KIF13A: variants seen among roughly 807,000 people sequenced by gnomAD.
The protein encoded by KIF13A is kinesin-like protein KIF13A.
A neutral mutation model predicts 212.2 loss-of-function variants in KIF13A; 79 were observed. The ratio of observed to expected loss-of-function variants is 0.37; its 90% CI spans 0.31 to 0.45. The LOEUF (loss-of-function observed/expected upper bound fraction) is 0.45. KIF13A is among the 20% of genes least tolerant of loss of function. KIF13A has a pLI of 1.00. For synonymous variants in KIF13A, 789 were observed against 808.6 expected, an observed-to-expected ratio of 0.98 and a Z score of 0.41; for missense variants, 1,901 against 2,209.0, an observed-to-expected ratio of 0.86 and a Z score of 2.79.
intron 2 of KIF13A, among the ~76,000 whole-genome samples, chr6:17,974,859 A>G (rs970749386): frequency 6.6e-6 from 1 of 152,232 alleles, no homozygotes; most frequent in African/African-American, 2.4e-5. Context: ...TAAAAGTTAA[A>G]TTCCTTGATC....
intron 2 of KIF13A, among the ~76,000 whole-genome samples, chr6:17,954,955 A>T (rs1472403005): frequency 6.6e-6 from 1 of 152,156 alleles, no homozygotes; most frequent in African/African-American, 2.4e-5. Context: ...CTGGCATTAC[A>T]GGTGTGTGCC....
At chr6:17,923,045 G>A (rs1775217847) in intron 2 of KIF13A, among the ~76,000 whole-genome samples, 1 of 152,068 alleles carries the variant, frequency 6.6e-6, no homozygotes. Flanking sequence ...GCTGAGGCAG[G>A]TGGATCACTT....
rs561393375 is a variant in KIF13A at position 17,811,276 on chromosome 6, C to A, written c.2001-2346G>T. Among the ~76,000 whole-genome samples the A allele has an allele frequency of 6.6e-6, 1 of 152,294 alleles. No homozygotes were observed. The highest frequency in any genetic ancestry group is 1.5e-5 in the Non-Finnish European group (1 of 68,030). On this transcript the variant is annotated intron_variant, in intron 17 of 38. Transcript: ENST00000259711. This position sits in a 1 kb window ranked among gnomAD's most constrained non-coding sequence, Gnocchi z 6.0. ...CGATTACATGCTTTTCACTTCAATA[C>A]ATTCACACAATCAATGCATACAATA...
At position 17,768,319 on chromosome 6, in the gene KIF13A, G is replaced by T. The variant is rs1217704985; in HGVS notation, c.4581+2795C>A. ...TTCTCTATAGCTACAGTCTTCATCT[G>T]AGTTTTGCAAATTTAACTTATGCAG... On this transcript the variant is annotated intron_variant, in intron 38 of 38. Transcript: ENST00000259711. This position sits in a 1 kb window ranked among gnomAD's most constrained non-coding sequence, Gnocchi z 5.4. Among the ~76,000 whole-genome samples, 5 of 152,218 alleles carry T rather than the reference G, an allele frequency of 3.3e-5. No homozygotes were observed. The highest frequency in any genetic ancestry group is 1.2e-4 in the African/African-American group (5 of 41,462).
chr6:17,857,525 G>C (rs11969781), intron 4 of KIF13A, among the ~76,000 whole-genome samples: 5,351 of 152,222 alleles, frequency 0.035, 323 homozygotes, highest in African/African-American at 0.12. Context: ...CAGTCATGCG[G>C]AACTGTGAGT....
At position 17,987,430 on chromosome 6, in the gene KIF13A, C is replaced by G. The variant is rs367718683; in HGVS notation, c.34G>C (p.Val12Leu). 7.8e-5 allele frequency: 106 copies of G among 1,352,820 alleles called. No homozygotes were observed. The highest frequency in any genetic ancestry group is 9.6e-5 in the Non-Finnish European group (98 of 1,022,304). 83.8% of individuals were successfully genotyped at this position (1,352,820 alleles called of 1,614,324 possible). ...SDTKVKVAVRVRPMNRRELEL... is the reference protein window; with the variant it reads ...SDTKVKVAVRLRPMNRRELEL... ...TCACCTCGTCGGTTCATGGGCCGGACCCGGACGGCAACTTTTACCTTGGTA... is the reference window on the plus strand; with the variant it reads ...TCACCTCGTCGGTTCATGGGCCGGAGCCGGACGGCAACTTTTACCTTGGTA... Residue 12 changes from valine to leucine, a missense_variant, in exon 1 of 39, where the codon GTC becomes CTC. Physicochemically the swap from Val to Leu is conservative, Grantham distance 32 (BLOSUM62 1). Transcript: ENST00000259711. The surrounding 1 kb of genome is among the most constrained non-coding windows in gnomAD (Gnocchi z 7.7).
intron 2 of KIF13A, among the ~76,000 whole-genome samples, chr6:17,981,386 C>G (rs943275550): frequency 1.3e-5 from 2 of 150,750 alleles, no homozygotes; most frequent in Admixed American, 6.6e-5. Flanking sequence ...CTCTAAACTA[C>G]AATGCATTAT....
intron 18 of KIF13A, 106 bp downstream of exon 18, chr6:17,808,662 G>A (rs1489763184): frequency 2.0e-6 from 2 of 982,964 alleles, no homozygotes; most frequent in South Asian, 2.0e-5. Flanking sequence ...ATCTCTGGCT[G>A]ATATCAGGAT....
intron 2 of KIF13A, among the ~76,000 whole-genome samples, chr6:17,980,134 C>T (rs959914902): frequency 1.3e-5 from 2 of 151,950 alleles, no homozygotes; most frequent in Admixed American, 6.6e-5. Context: ...CTAACAGATT[C>T]CAGAGGGGAA....
Position 17,912,950 on chromosome 6 carries a change from AATT to A in KIF13A, c.147-14773_147-14771del, listed in dbSNP as rs767176192. 1.6e-4 allele frequency among the ~76,000 whole-genome samples: 25 copies of A among 151,686 alleles called. No homozygotes were observed. The highest frequency in any genetic ancestry group is 2.7e-4 in the Non-Finnish European group (18 of 67,916). ...TTATATCTAATCTTTTTATTTTTCT[AATT>A]ATTTTTATTTTTTATACGAGATAGG... On this transcript the variant is annotated intron_variant, in intron 2 of 38. Coordinates refer to ENST00000259711, the MANE Select transcript of KIF13A (RefSeq NM_022113.6). The surrounding 1 kb of genome is among the most constrained non-coding windows in gnomAD (Gnocchi z 4.2).
At chr6:17,818,497 AAG>A (rs775680468) in intron 16 of KIF13A, among the ~76,000 whole-genome samples, 4 of 152,246 alleles carry the variant, frequency 2.6e-5, no homozygotes, top group Admixed American at 6.5e-5. Context: ...TCAAAACAAA[AAG>A]AATCAATTTT....
At chr6:17,894,280 C>T (rs181148872) in intron 3 of KIF13A, among the ~76,000 whole-genome samples, 112 of 152,120 alleles carry the variant, frequency 7.4e-4, no homozygotes, top group African/African-American at 2.1e-3. Context: ...TACAGGCATA[C>T]GCCATCATGC....
rs1049686573 is a variant in KIF13A, at chr6:17,828,951, G to A, written c.1402-581C>T. Among the ~76,000 whole-genome samples the A allele has an allele frequency of 2.6e-5, 3 of 115,758 alleles. No individual in the cohort carries two copies. Among genetic ancestry groups the A allele is most frequent in the African/African-American group, 8.7e-5 (3 of 34,428 alleles). 75.9% of individuals were successfully genotyped at this position (115,758 alleles called of 152,430 possible). ...TGGGTCATACCATGTACAAACGTGT[G>A]ATTTTTTTTTTTTTGACATGGTGTC... On this transcript the variant is annotated intron_variant, in intron 13 of 38. Transcript: ENST00000259711. This position sits in a 1 kb window ranked among gnomAD's most constrained non-coding sequence, Gnocchi z 4.3.
intron 2 of KIF13A, among the ~76,000 whole-genome samples, chr6:17,930,035 G>A (rs1245067384): frequency 2.0e-5 from 3 of 152,188 alleles, no homozygotes; most frequent in African/African-American, 7.2e-5. Context: ...GACTAAAAAT[G>A]GGGCTACAGT....
At position 17,836,986 on chromosome 6, in the gene KIF13A, G is replaced by C. The variant is rs1311260051; in HGVS notation, c.1047C>G (p.Ala349=). 1.2e-6 allele frequency: 2 copies of C among 1,613,874 alleles called. No homozygotes were observed. The highest frequency in any genetic ancestry group is 8.5e-7 in the Non-Finnish European group (1 of 1,179,876). ...TLSTLRYADR[A]KRIVNHAVVN... is the part of the protein sequence containing the mutation. The stretch of plus-strand genomic sequence containing the variant: ...CAACAGCATGGTTCACAATCCTTTT[G>C]GCTCGGTCTGCATATCTTAATGTGG... Residue 349 remains alanine (A), a synonymous_variant, in exon 11 of 39, where the codon GCC becomes GCG. Coordinates refer to ENST00000259711, the MANE Select transcript of KIF13A (RefSeq NM_022113.6).
rs573729968 is a variant in KIF13A, at chr6:17,776,629, T to C, written c.4170+648A>G. ...CATGTTTTAAATAATTTTCTGGCAA[T>C]TCTAGAGAACAGGAAGGCAAATAAG... On this transcript the variant is annotated intron_variant, in intron 34 of 38. Transcript: ENST00000259711. This position sits in a 1 kb window ranked among gnomAD's most constrained non-coding sequence, Gnocchi z 4.6. 4.3e-4 allele frequency among the ~76,000 whole-genome samples: 66 copies of C among 152,312 alleles called. No individual in the cohort carries two copies. In the South Asian group the frequency reaches 0.013, roughly 29 times the overall value.
At chr6:17,765,032 G>T in intron 38 of KIF13A, 86 bp from the exon 39 acceptor site, 1 of 1,003,096 alleles carries the variant, frequency 1.0e-6, no homozygotes, top group Non-Finnish European at 1.4e-6. Context: ...GCTGTTAAAG[G>T]CATTCACATT....
chr6:17,801,094 T>C (rs1242359916), intron 20 of KIF13A, among the ~76,000 whole-genome samples: 2 of 152,128 alleles, frequency 1.3e-5, no homozygotes, highest in Non-Finnish European at 2.9e-5. Context: ...AATGCTTCAT[T>C]CACTTATTCA....
chr6:17,776,661 T>A lies in KIF13A; in HGVS notation c.4170+616A>T, dbSNP rs1760008231. On this transcript the variant is annotated intron_variant, in intron 34 of 38. Coordinates refer to ENST00000259711, the MANE Select transcript of KIF13A (RefSeq NM_022113.6). The surrounding 1 kb of genome is among the most constrained non-coding windows in gnomAD (Gnocchi z 4.6). ...GAACAGGAAGGCAAATAAGCCTGTG[T>A]TTTTCCTTGGAAAGACCTTACTTCT... Among the ~76,000 whole-genome samples, 1 of 152,168 alleles carries A rather than the reference T, an allele frequency of 6.6e-6. No individual in the cohort carries two copies. Among genetic ancestry groups the A allele is most frequent in the Admixed American group, 6.5e-5 (1 of 15,268 alleles).
Sources: allele counts gnomAD v4.1 joint callset (sites outside exome capture counted in the v4.1 genomes callset), GRCh38; gene constraint gnomAD v4.1.1; non-coding constraint Gnocchi (gnomAD v3.1); transcripts MANE v1.5; gene names NCBI Gene and HGNC (gene_info 2026-07-23, HGNC 2026-07-21).